The following MYO1E variants were observed in gnomAD, a reference collection of about 807,000 sequenced individuals.
MYO1E encodes the protein myosin IE.
In MYO1E, 68 loss-of-function variants were observed where a neutral mutation model predicts 151.1. That is an observed-to-expected ratio of 0.45 (90% CI 0.37 to 0.55). The LOEUF (loss-of-function observed/expected upper bound fraction) is 0.55, where lower values mean the gene tolerates loss of function less well. Ranked by LOEUF, MYO1E falls within the 20% of genes least tolerant of loss-of-function variation. The pLI, the probability that MYO1E is intolerant of heterozygous loss-of-function variation, is 0.00. For synonymous variants in MYO1E, 601 were observed against 501.7 expected (o/e 1.20, Z -2.64); for missense variants, 1,363 against 1,389.3 (o/e 0.98, Z 0.30).
chr15:59,360,888 T>TA (rs1188828669), intron 1 of MYO1E, among the ~76,000 whole-genome samples: 2 of 152,158 alleles, frequency 1.3e-5, no homozygotes, highest in Non-Finnish European at 2.9e-5. Context: ...AGGTTGAGGG[T>TA]AGGGAACTGA....
At chr15:59,187,836 T>C (rs1021272177) in intron 18 of MYO1E, among the ~76,000 whole-genome samples, 3 of 152,190 alleles carry the variant, frequency 2.0e-5, no homozygotes, top group African/African-American at 4.8e-5. Flanking sequence ...CATATATGAT[T>C]CCATTGCTAT....
At chr15:59,208,515 A>C in intron 14 of MYO1E, 166 bp downstream of exon 14, 1 of 779,248 alleles carries the variant, frequency 1.3e-6, no homozygotes, top group Non-Finnish European at 2.1e-6. Context: ...ATACAAAAAA[A>C]TGCAGTAGTA....
intron 1 of MYO1E, among the ~76,000 whole-genome samples, chr15:59,361,846 T>G (rs987732206): frequency 3.3e-5 from 5 of 152,082 alleles, no homozygotes; most frequent in African/African-American, 1.2e-4. Flanking sequence ...ATTAATTTAT[T>G]TATTTTTTGA....
intron 12 of MYO1E, 128 bp downstream of exon 12, chr15:59,214,100 G>C (rs970565340): frequency 2.8e-6 from 2 of 721,464 alleles, no homozygotes; most frequent in Non-Finnish European, 4.6e-6. Flanking sequence ...TTTTCTGCCT[G>C]ACTTTATTAG....
In MYO1E at chr15:59,261,361, C is replaced by G. The variant is rs375052893; in HGVS notation, c.237+59G>C. Reference sequence around the variant, plus strand: ...AAAGTACTGCTAACTTCAAGAAAAACCATGTCTGCATCATAAAAGCCCTAA... The same window carrying G: ...AAAGTACTGCTAACTTCAAGAAAAAGCATGTCTGCATCATAAAAGCCCTAA... On this transcript the variant is annotated intron_variant, in intron 3 of 27. Transcript: ENST00000288235. The G allele has an allele frequency of 2.6e-5, 32 of 1,249,846 alleles. No individual in the cohort carries two copies. In the East Asian group the frequency reaches 2.6e-4, roughly 10 times the overall value. 77.4% of individuals were successfully genotyped at this position (1,249,846 alleles called of 1,614,324 possible).
chr15:59,144,633 A>C (rs1316771802), intron 26 of MYO1E, among the ~76,000 whole-genome samples: 3 of 152,156 alleles, frequency 2.0e-5, no homozygotes, highest in Middle Eastern at 6.8e-3. Context: ...TTTTACAGAG[A>C]GCTCTCAACA....
intron 1 of MYO1E, chr15:59,341,341 C>CA: frequency 6.6e-6 from 1 of 152,032 alleles, no homozygotes; most frequent in South Asian, 2.1e-4. Context: ...CATGAATTTG[C>CA]ATGACATCCT....
chr15:59,283,986 A>G lies in MYO1E; in HGVS notation c.4-11537T>C, dbSNP rs531258838. Among the ~76,000 whole-genome samples the G allele has an allele frequency of 1.1e-4, 17 of 152,378 alleles. 3 individuals carry two copies. The South Asian group carries it at 3.5e-3, about 32-fold the overall frequency. ...AGAAGAAAAAGAAGTACCACGTGGT[A>G]AACAGAATACCTGGTACAAAGCCCT... On this transcript the variant is annotated intron_variant, in intron 1 of 27. Coordinates refer to ENST00000288235, the MANE Select transcript of MYO1E (RefSeq NM_004998.4).
intron 1 of MYO1E, among the ~76,000 whole-genome samples, chr15:59,317,396 T>C (rs1372228771): frequency 3.9e-5 from 6 of 152,194 alleles, no homozygotes; most frequent in African/African-American, 1.2e-4. Flanking sequence ...GCATGAGTCA[T>C]GATAACATGT....
intron 1 of MYO1E, among the ~76,000 whole-genome samples, chr15:59,278,602 C>G (rs2080335289): frequency 6.6e-6 from 1 of 152,158 alleles, no homozygotes; most frequent in Admixed American, 6.5e-5. Context: ...TTTATTTCAA[C>G]TTTATGAAAT....
intron 18 of MYO1E, 65 bp downstream of exon 18, chr15:59,188,053 G>C (rs1290210141): frequency 1.6e-6 from 2 of 1,225,912 alleles, no homozygotes; most frequent in African/African-American, 1.5e-5. Flanking sequence ...TGGGTGAATT[G>C]TATAGATTTG....
chr15:59,345,227 G>T (rs1456656109), intron 1 of MYO1E, among the ~76,000 whole-genome samples: 1 of 150,918 alleles, frequency 6.6e-6, no homozygotes, highest in African/African-American at 2.5e-5. Flanking sequence ...CAGACAGGCA[G>T]TTGAAGTATT....
At chr15:59,207,468 C>T (rs750843607) in intron 14 of MYO1E, 2 of 1,614,028 alleles carry the variant, frequency 1.2e-6, no homozygotes, top group Admixed American at 1.7e-5. Flanking sequence ...TTGTCCAGTA[C>T]AGCCCCCACT....
rs554367538 is a variant in MYO1E at position 59,193,941 on chromosome 15, C to A, written c.1805+1520G>T. 5.9e-5 allele frequency among the ~76,000 whole-genome samples: 9 copies of A among 152,190 alleles called. No homozygotes were observed. In the East Asian group the frequency reaches 1.7e-3, roughly 29 times the overall value. The stretch of plus-strand genomic sequence containing the variant: ...CCTGTAATCCCAGCACTTTGGGAGG[C>A]CGAGGCAGTTGGATCACGAAGTCAG... On this transcript the variant is annotated intron_variant, in intron 17 of 27. Transcript: ENST00000288235.
chr15:59,158,014 TTC>T (rs1279833180), intron 25 of MYO1E, among the ~76,000 whole-genome samples: 1 of 152,224 alleles, frequency 6.6e-6, no homozygotes, highest in Non-Finnish European at 1.5e-5. Flanking sequence ...AGGAACTCCT[TTC>T]TCTCTGTCAG....
At position 59,326,149 on chromosome 15, in the gene MYO1E, G is replaced by GA. The variant is rs75381554; in HGVS notation, c.3+46348dup. On this transcript the variant is annotated intron_variant, in intron 1 of 27. Coordinates refer to ENST00000288235, the MANE Select transcript of MYO1E (RefSeq NM_004998.4). ...AGATGCTTAAAGGAAAAACAAAACA[G>GA]AAAAAAAAAAAACCCAGACAGCTAT... is the stretch of plus-strand genomic sequence containing the variant. 9.7e-3 allele frequency among the ~76,000 whole-genome samples: 1,318 copies of GA among 136,498 alleles called. 6 individuals are homozygous for GA. Among genetic ancestry groups the GA allele is most frequent in the Non-Finnish European group, 0.011 (699 of 62,608 alleles). The allele number at this position is 136,498 out of a possible 152,430, so 89.5% of individuals were successfully genotyped here.
chr15:59,183,810 C>G (rs549839427), intron 18 of MYO1E, among the ~76,000 whole-genome samples: 4 of 152,310 alleles, frequency 2.6e-5, no homozygotes, highest in African/African-American at 9.6e-5. Flanking sequence ...CATTAACCAT[C>G]TGCACCTCCC....
chr15:59,196,288 T>C (rs1295788680), intron 16 of MYO1E, among the ~76,000 whole-genome samples: 2 of 152,128 alleles, frequency 1.3e-5, no homozygotes, highest in African/African-American at 2.4e-5. Context: ...AAAGTAGAAC[T>C]GGATTCAAGC....
intron 23 of MYO1E, among the ~76,000 whole-genome samples, chr15:59,162,679 GA>G (rs2079544738): frequency 6.9e-6 from 1 of 144,182 alleles, no homozygotes; most frequent in South Asian, 2.2e-4. Flanking sequence ...AAAAAAGAAA[GA>G]AAGGTGAACC....
Sources: allele counts gnomAD v4.1 joint callset (sites outside exome capture counted in the v4.1 genomes callset), GRCh38; gene constraint gnomAD v4.1.1; transcripts MANE v1.5; gene names NCBI Gene and HGNC (gene_info 2026-07-23, HGNC 2026-07-21).